SLC24A4: variants seen among roughly 807,000 people sequenced by gnomAD.
SLC24A4 encodes the protein sodium/potassium/calcium exchanger 4.
Under a neutral mutation model 79.0 loss-of-function variants are expected in SLC24A4, and 53 were observed. The ratio of observed to expected loss-of-function variants is 0.67; its 90% CI spans 0.54 to 0.84. SLC24A4 has a LOEUF of 0.84. Ranked by LOEUF, SLC24A4 falls within the 40% of genes least tolerant of loss-of-function variation. SLC24A4 has a pLI of 0.00. For synonymous variants in SLC24A4, 323 were observed against 323.8 expected (o/e 1.00, Z 0.03); for missense variants, 731 against 822.0 (o/e 0.89, Z 1.35).
intron 2 of SLC24A4, among the ~76,000 whole-genome samples, chr14:92,399,680 A>G (rs2141758382): frequency 6.6e-6 from 1 of 152,300 alleles, no homozygotes; most frequent in Non-Finnish European, 1.5e-5. Flanking sequence ...TGCGCTATGA[A>G]GGGGCTGATC....
intron 2 of SLC24A4, among the ~76,000 whole-genome samples, chr14:92,347,028 A>T (rs1270141752): frequency 6.6e-6 from 1 of 152,022 alleles, no homozygotes; most frequent in East Asian, 1.9e-4. Flanking sequence ...AGTATGGCTC[A>T]TTTATGCCAC....
chr14:92,444,932 T>TACAC (rs10548937), intron 7 of SLC24A4, among the ~76,000 whole-genome samples: 3,636 of 142,886 alleles, frequency 0.025, 65 homozygotes, highest in Non-Finnish European at 0.035. Flanking sequence ...TACACACACA[T>TACAC]ACACACACAC....
Position 92,353,906 on chromosome 14 carries a change from C to T in SLC24A4, c.241+27928C>T, listed in dbSNP as rs77733066. Among the ~76,000 whole-genome samples, 3,309 of 152,352 alleles carry T rather than the reference C, an allele frequency of 0.022. 115 individuals are homozygous for T. The highest frequency in any genetic ancestry group is 0.073 in the African/African-American group (3,051 of 41,566). ...CTGTGCCGCCATCCCAAGTGAGCTTCCCACACGGCCGGCCCAGAGAGCAGG... is the reference window on the plus strand; with the variant it reads ...CTGTGCCGCCATCCCAAGTGAGCTTTCCACACGGCCGGCCCAGAGAGCAGG... On this transcript the variant is annotated intron_variant, in intron 2 of 16. Coordinates refer to ENST00000532405, the MANE Select transcript of SLC24A4 (RefSeq NM_153646.4). This position sits in a 1 kb window ranked among gnomAD's most constrained non-coding sequence, Gnocchi z 4.1.
intron 2 of SLC24A4, among the ~76,000 whole-genome samples, chr14:92,431,593 G>C (rs957577535): frequency 2.0e-5 from 3 of 152,202 alleles, no homozygotes; most frequent in African/African-American, 7.2e-5. Flanking sequence ...GGGAAGGGTG[G>C]GGTGGATATC....
chr14:92,361,850 A>T (rs1377465444), intron 2 of SLC24A4, among the ~76,000 whole-genome samples: 4 of 152,134 alleles, frequency 2.6e-5, no homozygotes, highest in Non-Finnish European at 5.9e-5. Context: ...AGAGAGGAAC[A>T]TGTGTCCAGC....
At chr14:92,444,554 A>T (rs1338350163) in intron 7 of SLC24A4, among the ~76,000 whole-genome samples, 3 of 152,208 alleles carry the variant, frequency 2.0e-5, no homozygotes, top group Non-Finnish European at 4.4e-5. Context: ...AAACTCTTTG[A>T]TTTATAAAAT....
At position 92,340,970 on chromosome 14, in the gene SLC24A4, CG is replaced by C. The variant is rs1351623766; in HGVS notation, c.241+14996del. Reference sequence around the variant, plus strand: ...CATGTAACATGCAAAAGGGAAGAGTCGGGGCCTTTCTCAGGTGGACAACCAG... The same window carrying C: ...CATGTAACATGCAAAAGGGAAGAGTCGGGCCTTTCTCAGGTGGACAACCAG... On this transcript the variant is annotated intron_variant, in intron 2 of 16. Transcript: ENST00000532405. 2.6e-5 allele frequency among the ~76,000 whole-genome samples: 4 copies of C among 152,184 alleles called. No individual in the cohort carries two copies. In the South Asian group the frequency reaches 6.2e-4, roughly 24 times the overall value.
chr14:92,458,401 C>T (rs950678821), intron 12 of SLC24A4, among the ~76,000 whole-genome samples: 2 of 152,184 alleles, frequency 1.3e-5, no homozygotes, highest in East Asian at 1.9e-4. Flanking sequence ...CTGGCATGCC[C>T]GCACACCTGC....
At chr14:92,430,059 T>C (rs1409776747) in intron 2 of SLC24A4, among the ~76,000 whole-genome samples, 1 of 152,266 alleles carries the variant, frequency 6.6e-6, no homozygotes, top group Admixed American at 6.5e-5. Flanking sequence ...ATCCAGTGCC[T>C]GGCACATAGT....
At chr14:92,412,938 T>C (rs910226319) in intron 2 of SLC24A4, among the ~76,000 whole-genome samples, 2 of 152,218 alleles carry the variant, frequency 1.3e-5, no homozygotes, top group Non-Finnish European at 2.9e-5. Flanking sequence ...TTATGACACA[T>C]GAGAATGACA....
chr14:92,414,039 A>G (rs887783216), intron 2 of SLC24A4, among the ~76,000 whole-genome samples: 2 of 152,112 alleles, frequency 1.3e-5, no homozygotes, highest in East Asian at 1.9e-4. Context: ...CAGTAGATAA[A>G]TGGTGTGTGA....
intron 2 of SLC24A4, among the ~76,000 whole-genome samples, chr14:92,338,940 T>A (rs1316678562): frequency 6.6e-6 from 1 of 152,222 alleles, no homozygotes; most frequent in African/African-American, 2.4e-5. Flanking sequence ...ACTCTGCTTA[T>A]AGCGAATGAT....
At chr14:92,336,287 T>C (rs1348803291) in intron 2 of SLC24A4, among the ~76,000 whole-genome samples, 1 of 152,230 alleles carries the variant, frequency 6.6e-6, no homozygotes, top group Non-Finnish European at 1.5e-5. Context: ...AAATTTAACA[T>C]TGTCCATTAT....
At chr14:92,342,735 C>T (rs1886237731) in intron 2 of SLC24A4, among the ~76,000 whole-genome samples, 1 of 152,222 alleles carries the variant, frequency 6.6e-6, no homozygotes, top group South Asian at 2.1e-4. Context: ...TTCTTGATCA[C>T]ATCCCCCATT....
intron 2 of SLC24A4, among the ~76,000 whole-genome samples, chr14:92,430,084 C>T (rs531263971): frequency 6.6e-6 from 1 of 152,368 alleles, no homozygotes; most frequent in East Asian, 1.9e-4. Context: ...GCTCAAGAAA[C>T]ATGCATCGAT....
At position 92,441,668 on chromosome 14, in the gene SLC24A4, G is replaced by A. The variant is rs137863919; in HGVS notation, c.394-421G>A. Reference sequence around the variant, plus strand: ...AGGGATGCAAAGTTGGGAAAGACCAGTTGCTGCCCTCATCATCCGGTGAGG... The same window carrying A: ...AGGGATGCAAAGTTGGGAAAGACCAATTGCTGCCCTCATCATCCGGTGAGG... On this transcript the variant is annotated intron_variant, in intron 4 of 16. Coordinates refer to ENST00000532405, the MANE Select transcript of SLC24A4 (RefSeq NM_153646.4). This position sits in a 1 kb window ranked among gnomAD's most constrained non-coding sequence, Gnocchi z 4.6. 1.8e-3 allele frequency among the ~76,000 whole-genome samples: 270 copies of A among 152,358 alleles called. 3 individuals are homozygous for A. Among genetic ancestry groups the A allele is most frequent in the African/African-American group, 5.9e-3 (247 of 41,584 alleles).
intron 12 of SLC24A4, among the ~76,000 whole-genome samples, chr14:92,474,722 C>T (rs375379409): frequency 2.9e-5 from 2 of 69,110 alleles, no homozygotes; most frequent in East Asian, 5.8e-4. Flanking sequence ...TATATATATA[C>T]ACACACGTAT....
intron 2 of SLC24A4, among the ~76,000 whole-genome samples, chr14:92,360,126 A>C (rs545228567): frequency 4.6e-5 from 7 of 152,148 alleles, no homozygotes; most frequent in Non-Finnish European, 1.0e-4. Flanking sequence ...AGTTCACCAT[A>C]TTGGCCATGA....
At chr14:92,355,790 G>A (rs963976983) in intron 2 of SLC24A4, among the ~76,000 whole-genome samples, 2 of 152,188 alleles carry the variant, frequency 1.3e-5, no homozygotes, top group Non-Finnish European at 2.9e-5. Flanking sequence ...GGCCCTGAGA[G>A]TCGGCCAGGT....
Sources: allele counts gnomAD v4.1 joint callset (sites outside exome capture counted in the v4.1 genomes callset), GRCh38; gene constraint gnomAD v4.1.1; non-coding constraint Gnocchi (gnomAD v3.1); transcripts MANE v1.5; gene names NCBI Gene and HGNC (gene_info 2026-07-23, HGNC 2026-07-21).